The following OR8G5 variants were observed in gnomAD, a reference collection of about 807,000 sequenced individuals.
The protein encoded by OR8G5 is olfactory receptor 8G5.
For synonymous variants in OR8G5, 147 were observed against 147.7 expected (o/e 1.00, Z 0.03); for missense variants, 347 against 371.9 (o/e 0.93, Z 0.55).
intron 1 of OR8G5, among the ~76,000 whole-genome samples, chr11:124,259,053 C>T (rs1861939766): frequency 6.6e-6 from 1 of 152,124 alleles, no homozygotes; most frequent in South Asian, 2.1e-4. Context: ...AATTTTTAAA[C>T]TAAGCTTAGA....
chr11:124,263,765 T>A (rs529681778), intron 1 of OR8G5, among the ~76,000 whole-genome samples: 1 of 152,192 alleles, frequency 6.6e-6, no homozygotes, highest in African/African-American at 2.4e-5. Flanking sequence ...TATTTCAGAT[T>A]TATTTTGGTG....
rs200012972 is a variant in OR8G5, at chr11:124,265,247, G to A, written c.316G>A (p.Val106Ile). 5.7e-4 allele frequency: 915 copies of A among 1,613,970 alleles called. 3 individuals are homozygous for A. The African/African-American group carries it at 0.01, about 18-fold the overall frequency. ...ECMTQLYFFL[V>I]FAIAECHMLA... is the part of the protein sequence containing the mutation. ...CATGACTCAGCTCTACTTCTTCCTC[G>A]TTTTTGCTATTGCAGAGTGTCACAT... is the stretch of plus-strand genomic sequence containing the variant. The change falls in exon 2 of 2, where the codon GTT (valine) becomes ATT (isoleucine). Residue 106 changes from valine to isoleucine, a missense_variant. Val to Ile is a conservative substitution (Grantham distance 29, BLOSUM62 3). Transcript: ENST00000641992.
intron 1 of OR8G5, among the ~76,000 whole-genome samples, chr11:124,257,488 G>A (rs1861925062): frequency 1.3e-5 from 2 of 152,150 alleles, no homozygotes; most frequent in Non-Finnish European, 2.9e-5. Context: ...GCAAGAGGTA[G>A]ACATTATTTT....
chr11:124,258,337 G>A (rs1234737969), intron 1 of OR8G5, among the ~76,000 whole-genome samples: 1 of 151,864 alleles, frequency 6.6e-6, no homozygotes, highest in African/African-American at 2.4e-5. Flanking sequence ...TGGGCGGATC[G>A]CCTGAGGTCA....
intron 1 of OR8G5, among the ~76,000 whole-genome samples, chr11:124,263,528 G>GT (rs1362012456): frequency 8.1e-6 from 1 of 123,458 alleles, no homozygotes; most frequent in African/African-American, 3.2e-5. Flanking sequence ...GCCCTGGTGT[G>GT]TGATGTTCCC....
At chr11:124,258,590 TAA>T (rs60303579) in intron 1 of OR8G5, among the ~76,000 whole-genome samples, 3,427 of 150,180 alleles carry the variant, frequency 0.023, 83 homozygotes, top group South Asian at 0.13. Context: ...ATAATAATAA[TAA>T]AAAAGACATT....
chr11:124,263,407 T>C (rs1218652993), intron 1 of OR8G5, among the ~76,000 whole-genome samples: 1 of 152,100 alleles, frequency 6.6e-6, no homozygotes, highest in African/African-American at 2.4e-5. Context: ...TGCAGGTTTG[T>C]TACATATGTG....
At position 124,265,813 on chromosome 11, in the gene OR8G5, TA is replaced by T. The variant is rs756096933; in HGVS notation, c.885del (p.Asp296MetfsTer6). ...ACCCCCTGATCTACAGCCTGAGGAA[TA>T]AAGATGTCCACGTTGCCCTGAAGAA... ...LNPLIYSLRN[K>X]DVHVALKKTL... On this transcript the variant is annotated frameshift_variant, in exon 2 of 2. Transcript: ENST00000641992. LOFTEE classifies it low-confidence loss of function (END_TRUNC). 2.9e-5 allele frequency: 47 copies of T among 1,613,896 alleles called. No individual in the cohort carries two copies. The highest frequency in any genetic ancestry group is 3.8e-5 in the Non-Finnish European group (45 of 1,179,988).
At chr11:124,262,688 CAT>C (rs757186003) in intron 1 of OR8G5, among the ~76,000 whole-genome samples, 104 of 151,922 alleles carry the variant, frequency 6.8e-4, no homozygotes, top group Admixed American at 1.5e-3. Flanking sequence ...CACACACACA[CAT>C]ACACACACAC....
intron 1 of OR8G5, among the ~76,000 whole-genome samples, chr11:124,260,451 C>A (rs1158983304): frequency 3.3e-5 from 5 of 151,876 alleles, no homozygotes; most frequent in Non-Finnish European, 7.4e-5. Flanking sequence ...GTACAACAAA[C>A]CCCCATGACA....
intron 1 of OR8G5, among the ~76,000 whole-genome samples, chr11:124,261,616 G>A (rs528054615): frequency 6.6e-5 from 10 of 151,972 alleles, no homozygotes; most frequent in South Asian, 6.2e-4. Flanking sequence ...GCTACTAACC[G>A]TTAGAACATC....
intron 1 of OR8G5, among the ~76,000 whole-genome samples, chr11:124,257,963 C>G (rs1861928710): frequency 6.6e-6 from 1 of 152,128 alleles, no homozygotes; most frequent in African/African-American, 2.4e-5. Flanking sequence ...CCTCTCTTCT[C>G]TCTTAGGAGA....
chr11:124,265,997 G>C lies in OR8G5; in HGVS notation c.*130G>C. 1 of 1,151,074 alleles carries C rather than the reference G, an allele frequency of 8.7e-7. No individual in the cohort carries two copies. The highest frequency in any genetic ancestry group is 1.2e-6 in the Non-Finnish European group (1 of 836,172). 71.3% of individuals were successfully genotyped at this position (1,151,074 alleles called of 1,614,324 possible). A position where few individuals can be genotyped will look rare whatever the true frequency, so the allele number is the denominator to read the frequency against. ...TTTGGGGGGATTTTACTGACGTTAT[G>C]TCTTATGCACATGGTCTATTTCATG... On this transcript the variant is annotated 3_prime_UTR_variant, in exon 2 of 2. Transcript: ENST00000641992.
rs1357209254 is a variant in OR8G5, at chr11:124,265,560, C to T, written c.629C>T (p.Pro210Leu). 1 of 1,613,876 alleles carries T rather than the reference C, an allele frequency of 6.2e-7. No homozygotes were observed. Among genetic ancestry groups the T allele is most frequent in the Non-Finnish European group, 8.5e-7 (1 of 1,179,842 alleles). The change falls in exon 2 of 2, where the codon CCC becomes CTC. Residue 210 changes from proline (P) to leucine (L), a missense_variant. Coordinates refer to ENST00000641992, the MANE Select transcript of OR8G5 (RefSeq NM_001005198.2). Reference protein sequence around the residue: ...LIFSGINILVPSLTILSSYIF... With the variant: ...LIFSGINILVLSLTILSSYIF... ...TTTAGTGGAATTAACATCCTTGTCC[C>T]CAGCCTGACCATCCTCAGCTCTTAC...
At chr11:124,258,685 TA>T (rs1861936032) in intron 1 of OR8G5, among the ~76,000 whole-genome samples, 3 of 152,142 alleles carry the variant, frequency 2.0e-5, no homozygotes, top group Non-Finnish European at 4.4e-5. Flanking sequence ...TAGAAGATGG[TA>T]ATATTTGCAT....
intron 1 of OR8G5, among the ~76,000 whole-genome samples, chr11:124,262,809 G>A (rs1861986359): frequency 6.6e-6 from 1 of 151,956 alleles, no homozygotes; most frequent in Non-Finnish European, 1.5e-5. Flanking sequence ...TCTTTATGTA[G>A]ACAAATGTTT....
At position 124,265,999 on chromosome 11, in the gene OR8G5, CT is replaced by C; in HGVS notation, c.*134del. 3 of 1,114,596 alleles carry C rather than the reference CT, an allele frequency of 2.7e-6. No individual in the cohort carries two copies. Among genetic ancestry groups the C allele is most frequent in the Non-Finnish European group, 3.7e-6 (3 of 803,778 alleles). 69.0% of individuals were successfully genotyped at this position (1,114,596 alleles called of 1,614,324 possible). On this transcript the variant is annotated 3_prime_UTR_variant, in exon 2 of 2. Transcript: ENST00000641992. ...TGGGGGGATTTTACTGACGTTATGT[CT>C]TATGCACATGGTCTATTTCATGCCA... is the stretch of plus-strand genomic sequence containing the variant.
rs761644309 is a variant in OR8G5, at chr11:124,265,502, AGT to A, written c.572_573del (p.Ser191AsnfsTer4). 49 of 1,613,828 alleles carry A rather than the reference AGT, an allele frequency of 3.0e-5. No homozygotes were observed. The highest frequency in any genetic ancestry group is 4.0e-5 in the Non-Finnish European group (47 of 1,179,840). Reference protein sequence around the residue: ...LISILKLSCSSTYINELLILI... With the variant: ...LISILKLSCSXTYINELLILI... ...TTCTATCTTGAAGCTCTCCTGTTCT[AGT>A]ACTTACATTAATGAGTTACTGATTT... On this transcript the variant is annotated frameshift_variant, in exon 2 of 2. Coordinates refer to ENST00000641992, the MANE Select transcript of OR8G5 (RefSeq NM_001005198.2). LOFTEE classifies it low-confidence loss of function (END_TRUNC).
chr11:124,256,699 AC>A (rs1324532245), intron 1 of OR8G5, 65 bp downstream of exon 1: 1 of 152,182 alleles, frequency 6.6e-6, no homozygotes, highest in Non-Finnish European at 1.5e-5. Context: ...CACTGTAAAA[AC>A]TGTAGGAAAT....
Sources: allele counts gnomAD v4.1 joint callset (sites outside exome capture counted in the v4.1 genomes callset), GRCh38; gene constraint gnomAD v4.1.1; transcripts MANE v1.5; gene names NCBI Gene and HGNC (gene_info 2026-07-23, HGNC 2026-07-21).